Variants in FAM135B observed in about 807,000 individuals in gnomAD.
FAM135B encodes family with sequence similarity 135 member B, also known as protein FAM135B.
FAM135B carries 43 observed loss-of-function variants against 127.7 expected under a neutral mutation model. The observed-to-expected ratio is 0.34, with a 90% CI of 0.26 to 0.43. The LOEUF (loss-of-function observed/expected upper bound fraction) is 0.43, where lower values mean the gene tolerates loss of function less well. Among genes scored for constraint, FAM135B ranks in the 20% least tolerant of loss-of-function variants. The pLI is 1.00. For synonymous variants in FAM135B, 670 were observed against 665.1 expected (o/e 1.01, Z -0.11); for missense variants, 1,558 against 1,725.6 (o/e 0.90, Z 1.72).
chr8:138,491,830 G>T (rs1026012443), intron 1 of FAM135B, among the ~76,000 whole-genome samples: 2 of 152,168 alleles, frequency 1.3e-5, no homozygotes, highest in Non-Finnish European at 2.9e-5. Context: ...AATAAAGTAG[G>T]GACACCCAGT....
chr8:138,456,186 C>T (rs1029993967), intron 1 of FAM135B, among the ~76,000 whole-genome samples: 4 of 152,142 alleles, frequency 2.6e-5, no homozygotes. Context: ...CCAAACACAA[C>T]AAAACTGTGA....
At chr8:138,399,568 T>C (rs1252741410) in intron 1 of FAM135B, among the ~76,000 whole-genome samples, 1 of 152,218 alleles carries the variant, frequency 6.6e-6, no homozygotes, top group East Asian at 1.9e-4. Context: ...CCAAGCCTTC[T>C]TTAGATTTTA....
chr8:138,479,906 T>A (rs919497473), intron 1 of FAM135B, among the ~76,000 whole-genome samples: 4 of 152,188 alleles, frequency 2.6e-5, no homozygotes, highest in Non-Finnish European at 4.4e-5. Flanking sequence ...CACCTAATTT[T>A]CCCACAAAAC....
At chr8:138,413,496 C>A (rs971588156) in intron 1 of FAM135B, among the ~76,000 whole-genome samples, 1 of 152,190 alleles carries the variant, frequency 6.6e-6, no homozygotes, top group African/African-American at 2.4e-5. Context: ...GAAACTAGAA[C>A]ATCTGACTGC....
At chr8:138,369,127 T>C (rs973588203) in intron 1 of FAM135B, among the ~76,000 whole-genome samples, 7 of 152,140 alleles carry the variant, frequency 4.6e-5, no homozygotes, top group Non-Finnish European at 1.0e-4. Flanking sequence ...TAATGCAAGA[T>C]ACTGAGTAGA....
At chr8:138,472,422 G>A (rs137980468) in intron 1 of FAM135B, among the ~76,000 whole-genome samples, 150 of 152,274 alleles carry the variant, frequency 9.9e-4, no homozygotes, top group Non-Finnish European at 1.8e-3. Context: ...AAATGAAGTG[G>A]TATGCAGGAG....
At chr8:138,414,890 C>T (rs569108194) in intron 1 of FAM135B, among the ~76,000 whole-genome samples, 9 of 152,258 alleles carry the variant, frequency 5.9e-5, no homozygotes, top group Middle Eastern at 3.4e-3. Flanking sequence ...GTGTCCTCAT[C>T]CCTCATTCGA....
chr8:138,343,621 C>T (rs1829204285), intron 2 of FAM135B, among the ~76,000 whole-genome samples: 1 of 152,218 alleles, frequency 6.6e-6, no homozygotes, highest in Admixed American at 6.5e-5. Context: ...GGGGAAGGCC[C>T]TGCCCTGGCC....
intron 6 of FAM135B, among the ~76,000 whole-genome samples, chr8:138,245,085 G>C (rs1369211334): frequency 6.6e-6 from 1 of 152,138 alleles, no homozygotes; most frequent in Non-Finnish European, 1.5e-5. Flanking sequence ...GCAAAATCCA[G>C]AGGACAGAAG....
At chr8:138,212,228 A>G (rs996001570) in intron 7 of FAM135B, among the ~76,000 whole-genome samples, 5 of 152,170 alleles carry the variant, frequency 3.3e-5, no homozygotes, top group Non-Finnish European at 7.3e-5. Flanking sequence ...GAGTACATAG[A>G]AGACAGGTAT....
intron 2 of FAM135B, among the ~76,000 whole-genome samples, chr8:138,324,227 T>C (rs1827648955): frequency 6.6e-6 from 1 of 152,236 alleles, no homozygotes; most frequent in Non-Finnish European, 1.5e-5. Flanking sequence ...AATTGTACAT[T>C]GTCATTCCCA....
intron 7 of FAM135B, among the ~76,000 whole-genome samples, chr8:138,209,734 C>T (rs1468332245): frequency 6.6e-6 from 1 of 152,168 alleles, no homozygotes; most frequent in Non-Finnish European, 1.5e-5. Flanking sequence ...TTTCTGGTCC[C>T]TCAAACCCTT....
At chr8:138,200,847 A>G (rs1217872585) in intron 7 of FAM135B, among the ~76,000 whole-genome samples, 1 of 152,222 alleles carries the variant, frequency 6.6e-6, no homozygotes, top group Non-Finnish European at 1.5e-5. Context: ...TAATAATAGA[A>G]ATTCTTATTT....
At chr8:138,430,402 A>T (rs1835133492) in intron 1 of FAM135B, among the ~76,000 whole-genome samples, 1 of 152,176 alleles carries the variant, frequency 6.6e-6, no homozygotes, top group South Asian at 2.1e-4. Context: ...TTAAATTAAT[A>T]ATGATTTGTT....
At chr8:138,211,903 A>G (rs999794097) in intron 7 of FAM135B, among the ~76,000 whole-genome samples, 4 of 152,074 alleles carry the variant, frequency 2.6e-5, no homozygotes, top group African/African-American at 9.7e-5. Flanking sequence ...CCTCGTCTCT[A>G]CTAAAAATAC....
chr8:138,433,600 A>G (rs1218485610), intron 1 of FAM135B, among the ~76,000 whole-genome samples: 1 of 152,048 alleles, frequency 6.6e-6, no homozygotes, highest in Admixed American at 6.6e-5. Context: ...AATAAATGTA[A>G]TCTCTATTTC....
chr8:138,409,700 C>T (rs1037692584), intron 1 of FAM135B, among the ~76,000 whole-genome samples: 5 of 151,902 alleles, frequency 3.3e-5, no homozygotes, highest in Admixed American at 2.0e-4. Context: ...GTGGTGAAAC[C>T]GTGTCTCCAC....
chr8:138,430,947 A>T (rs1459132044), intron 1 of FAM135B, among the ~76,000 whole-genome samples: 1 of 152,206 alleles, frequency 6.6e-6, no homozygotes, highest in African/African-American at 2.4e-5. Flanking sequence ...TTCCCAAGGG[A>T]ATAAATAATG....
Position 138,257,813 on chromosome 8 carries a change from T to C in FAM135B, c.298-1054A>G, listed in dbSNP as rs567953876. Among the ~76,000 whole-genome samples the C allele has an allele frequency of 5.9e-5, 9 of 151,954 alleles. No individual in the cohort carries two copies. In the East Asian group the frequency reaches 1.5e-3, roughly 26 times the overall value. On this transcript the variant is annotated intron_variant, in intron 4 of 19. Coordinates refer to ENST00000395297, the MANE Select transcript of FAM135B (RefSeq NM_015912.4). ...TATTTTTGAAAATGTTTTGAACAAATTGCAAACATTTACAATTCAGGCAAT... is the reference window on the plus strand; with the variant it reads ...TATTTTTGAAAATGTTTTGAACAAACTGCAAACATTTACAATTCAGGCAAT...
Sources: gnomAD v4.1 joint callset for allele counts (sites outside exome capture counted in the v4.1 genomes callset) on GRCh38, gnomAD v4.1.1 for gene constraint, MANE v1.5 for transcripts, NCBI Gene and HGNC (gene_info 2026-07-23, HGNC 2026-07-21) for gene names.